Variants in CRYL1 observed in about 807,000 individuals in gnomAD.
CRYL1 encodes crystallin lambda 1.
Under a neutral mutation model 36.6 loss-of-function variants are expected in CRYL1, and 29 were observed. The ratio of observed to expected loss-of-function variants is 0.79; its 90% CI spans 0.59 to 1.08. The LOEUF is 1.08. Ranked by LOEUF, CRYL1 falls within the 50% of genes least tolerant of loss-of-function variation. The probability of loss-of-function intolerance (pLI) is 0.00; values close to 1 mark genes in which losing one functional copy is unlikely to be tolerated. For synonymous variants in CRYL1, 152 were observed against 151.5 expected, an observed-to-expected ratio of 1.00 and a Z score of -0.02; for missense variants, 411 against 407.9, an observed-to-expected ratio of 1.01 and a Z score of -0.06.
intron 1 of CRYL1, among the ~76,000 whole-genome samples, chr13:20,516,299 T>C (rs531331106): frequency 6.6e-6 from 1 of 152,050 alleles, no homozygotes; most frequent in Admixed American, 6.6e-5. Flanking sequence ...AACACTAACT[T>C]ACCCTGCAAA....
chr13:20,495,716 A>C (rs35886464), intron 2 of CRYL1, among the ~76,000 whole-genome samples: 1 of 152,268 alleles, frequency 6.6e-6, no homozygotes, highest in South Asian at 2.1e-4. Context: ...TGTCAACAAC[A>C]GAAGAAGCAA....
chr13:20,506,017 C>G (rs1162162942), intron 2 of CRYL1, among the ~76,000 whole-genome samples: 3 of 152,148 alleles, frequency 2.0e-5, no homozygotes, highest in African/African-American at 4.8e-5. Context: ...ACCTTGGACT[C>G]TCTGTGCGGG....
Position 20,435,110 on chromosome 13 carries a change from A to C in CRYL1, c.439-2814T>G, listed in dbSNP as rs2032179913. ...CATGGGTAGGAGGTTCAGTCTTATAAGAGGAGAAAGTTCCATGGATTGTTG... is the reference window on the plus strand; with the variant it reads ...CATGGGTAGGAGGTTCAGTCTTATACGAGGAGAAAGTTCCATGGATTGTTG... On this transcript the variant is annotated intron_variant, in intron 4 of 7. Coordinates refer to ENST00000298248, the MANE Select transcript of CRYL1 (RefSeq NM_015974.3). This position sits in a 1 kb window ranked among gnomAD's most constrained non-coding sequence, Gnocchi z 4.0. Among the ~76,000 whole-genome samples, 1 of 152,212 alleles carries C rather than the reference A, an allele frequency of 6.6e-6. No individual in the cohort carries two copies. The highest frequency in any genetic ancestry group is 6.5e-5 in the Admixed American group (1 of 15,272).
At chr13:20,448,202 A>G (rs2032496633) in intron 3 of CRYL1, among the ~76,000 whole-genome samples, 1 of 152,220 alleles carries the variant, frequency 6.6e-6, no homozygotes, top group South Asian at 2.1e-4. Context: ...TGAGGAAAGA[A>G]TCTTTGAACT....
intron 5 of CRYL1, among the ~76,000 whole-genome samples, chr13:20,414,449 A>G (rs1216964226): frequency 1.3e-5 from 2 of 152,120 alleles, no homozygotes; most frequent in Non-Finnish European, 2.9e-5. Context: ...GGGGCATCGT[A>G]GTAAAAGGAC....
chr13:20,519,091 A>G (rs1036872038), intron 1 of CRYL1, among the ~76,000 whole-genome samples: 1 of 152,178 alleles, frequency 6.6e-6, no homozygotes, highest in Non-Finnish European at 1.5e-5. Context: ...GATTTACTGT[A>G]GAGATGTGGT....
At chr13:20,521,017 T>C (rs1390778916) in intron 1 of CRYL1, among the ~76,000 whole-genome samples, 1 of 141,554 alleles carries the variant, frequency 7.1e-6, no homozygotes, top group Non-Finnish European at 1.5e-5. Flanking sequence ...GGCAGGAGAA[T>C]CCCGTGAACC....
At chr13:20,520,354 G>A (rs2034071416) in intron 1 of CRYL1, among the ~76,000 whole-genome samples, 1 of 152,136 alleles carries the variant, frequency 6.6e-6, no homozygotes, top group Non-Finnish European at 1.5e-5. Flanking sequence ...CCCTGGAGAG[G>A]GGAAGCAATC....
chr13:20,437,913 T>C (rs1445256223), intron 4 of CRYL1, among the ~76,000 whole-genome samples: 1 of 152,198 alleles, frequency 6.6e-6, no homozygotes, highest in Non-Finnish European at 1.5e-5. Context: ...CAGCTTCCAC[T>C]GAAGCAATCA....
rs921002511 is a variant in CRYL1 at position 20,512,325 on chromosome 13, G to A, written c.149+118C>T. ...TTACCAACTCAGAGGCACTGCAGTA[G>A]CCATCAGACGAAAATGTGACATCAC... On this transcript the variant is annotated intron_variant, in intron 2 of 7. Coordinates refer to ENST00000298248, the MANE Select transcript of CRYL1 (RefSeq NM_015974.3). The A allele has an allele frequency of 1.7e-5, 12 of 705,796 alleles. 1 individual carries two copies. In the African/African-American group the frequency reaches 1.8e-4, roughly 10 times the overall value. The allele number at this position is 705,796 out of a possible 1,614,324, so 43.7% of individuals were successfully genotyped here.
At chr13:20,483,657 A>C (rs1192421400) in intron 3 of CRYL1, among the ~76,000 whole-genome samples, 1 of 152,052 alleles carries the variant, frequency 6.6e-6, no homozygotes, top group Non-Finnish European at 1.5e-5. Flanking sequence ...CTCCCACCTC[A>C]GCCTCCCAAG....
chr13:20,487,771 T>A (rs1475385250), intron 3 of CRYL1, among the ~76,000 whole-genome samples: 1 of 146,752 alleles, frequency 6.8e-6, no homozygotes, highest in Non-Finnish European at 1.5e-5. Context: ...AGAGCGAGAC[T>A]CTATCTCAAA....
At chr13:20,452,513 C>T (rs1565968788) in intron 3 of CRYL1, among the ~76,000 whole-genome samples, 1 of 152,114 alleles carries the variant, frequency 6.6e-6, no homozygotes, top group Admixed American at 6.6e-5. Flanking sequence ...TGTTTATGCA[C>T]CTAACAACAG....
intron 3 of CRYL1, chr13:20,477,116 G>C (rs550917106): frequency 6.6e-6 from 1 of 152,274 alleles, no homozygotes; most frequent in African/African-American, 2.4e-5. Flanking sequence ...AGCCAAGATC[G>C]TGCCACCGCG....
At chr13:20,472,104 AC>A (rs2137447521) in intron 3 of CRYL1, among the ~76,000 whole-genome samples, 1 of 151,816 alleles carries the variant, frequency 6.6e-6, no homozygotes, top group East Asian at 1.9e-4. Flanking sequence ...CAGGTGATCC[AC>A]CCGCCTTAGC....
chr13:20,507,034 T>C (rs1455343907), intron 2 of CRYL1, among the ~76,000 whole-genome samples: 1 of 152,138 alleles, frequency 6.6e-6, no homozygotes, highest in Non-Finnish European at 1.5e-5. Flanking sequence ...AAAGCGGAGT[T>C]TCCCTGCACA....
At position 20,492,455 on chromosome 13, in the gene CRYL1, G is replaced by A. The variant is rs140646428; in HGVS notation, c.150-2959C>T. ...ACCCCAAGTAGACTAACATCAAAGC[G>A]TCAGCAGGGAACGCACTCTTTCTGG... On this transcript the variant is annotated intron_variant, in intron 2 of 7. Coordinates refer to ENST00000298248, the MANE Select transcript of CRYL1 (RefSeq NM_015974.3). Among the ~76,000 whole-genome samples the A allele has an allele frequency of 7.9e-3, 1,208 of 152,226 alleles. 14 individuals are homozygous for A. Among genetic ancestry groups the A allele is most frequent in the African/African-American group, 0.027 (1,140 of 41,514 alleles).
chr13:20,525,218 G>C lies in CRYL1; in HGVS notation c.41+536C>G, dbSNP rs561359140. On this transcript the variant is annotated intron_variant, in intron 1 of 7. Transcript: ENST00000298248. This position sits in a 1 kb window ranked among gnomAD's most constrained non-coding sequence, Gnocchi z 4.3. ...TGTATGTTCGCCTAACACCTGCTGC[G>C]GCCTCCAGCGACATCGTCGCCGACA... 6.6e-6 allele frequency among the ~76,000 whole-genome samples: 1 copy of C among 152,096 alleles called. No homozygotes were observed. The highest frequency in any genetic ancestry group is 6.6e-5 in the Admixed American group (1 of 15,264).
chr13:20,475,758 C>T lies in CRYL1; in HGVS notation c.276+13612G>A, dbSNP rs115877839. 2.4e-3 allele frequency among the ~76,000 whole-genome samples: 361 copies of T among 152,298 alleles called. 7 individuals are homozygous for T. Among genetic ancestry groups the T allele is most frequent in the African/African-American group, 8.2e-3 (342 of 41,568 alleles). On this transcript the variant is annotated intron_variant, in intron 3 of 7. Transcript: ENST00000298248. ...TGGCTCTGGCCAGGCTCAGAGAAAC[C>T]AGGGACCCTTTCAGCGGAAGATTCC...
Sources: gnomAD v4.1 joint callset for allele counts (sites outside exome capture counted in the v4.1 genomes callset) on GRCh38, gnomAD v4.1.1 for gene constraint, Gnocchi (gnomAD v3.1) non-coding constraint, MANE v1.5 for transcripts, NCBI Gene and HGNC (gene_info 2026-07-23, HGNC 2026-07-21) for gene names.